The following MARCHF1 variants were observed in gnomAD, a reference collection of about 807,000 sequenced individuals.
MARCHF1 encodes membrane associated ring-CH-type finger 1.
A neutral mutation model predicts 54.2 loss-of-function variants in MARCHF1; 40 were observed. The ratio of observed to expected loss-of-function variants is 0.74; its 90% CI spans 0.57 to 0.96. MARCHF1 has a LOEUF of 0.96. Ranked by LOEUF, MARCHF1 falls within the 40% of genes least tolerant of loss-of-function variation. The pLI is 0.00. For synonymous variants in MARCHF1, 236 were observed against 236.3 expected (o/e 1.00, Z 0.01); for missense variants, 586 against 656.5 (o/e 0.89, Z 1.17).
At chr4:163,979,983 TA>T (rs1752728913) in intron 3 of MARCHF1, among the ~76,000 whole-genome samples, 1 of 152,090 alleles carries the variant, frequency 6.6e-6, no homozygotes, top group African/African-American at 2.4e-5. Flanking sequence ...GCCTGTTCAC[TA>T]ATGACTTTCT....
chr4:163,726,126 A>G (rs1015524751), intron 4 of MARCHF1, among the ~76,000 whole-genome samples: 6 of 152,156 alleles, frequency 3.9e-5, no homozygotes, highest in Admixed American at 6.5e-5. Flanking sequence ...ACACTGACAC[A>G]TCATTATCAC....
intron 5 of MARCHF1, among the ~76,000 whole-genome samples, chr4:163,681,487 A>G (rs1385139720): frequency 2.0e-5 from 3 of 152,140 alleles, no homozygotes; most frequent in African/African-American, 7.2e-5. Context: ...AGTTCCCATA[A>G]TCCCCATATG....
At chr4:163,964,752 C>T (rs1752409270) in intron 3 of MARCHF1, among the ~76,000 whole-genome samples, 1 of 151,914 alleles carries the variant, frequency 6.6e-6, no homozygotes, top group Admixed American at 6.6e-5. Flanking sequence ...CTTCCCAGAG[C>T]CACTCCATCT....
intron 4 of MARCHF1, among the ~76,000 whole-genome samples, chr4:163,793,913 CG>C (rs908063585): frequency 6.6e-6 from 1 of 152,114 alleles, no homozygotes; most frequent in African/African-American, 2.4e-5. Context: ...TTGTTGGAGA[CG>C]TGAGTCTTGC....
Position 163,626,912 on chromosome 4 carries a change from G to A in MARCHF1, c.163-13519C>T, listed in dbSNP as rs149358564. Among the ~76,000 whole-genome samples the A allele has an allele frequency of 1.9e-3, 291 of 152,254 alleles. 1 individual carries two copies. Among genetic ancestry groups the A allele is most frequent in the African/African-American group, 6.7e-3 (277 of 41,542 alleles). On this transcript the variant is annotated intron_variant, in intron 5 of 9. Coordinates refer to ENST00000514618, the MANE Select transcript of MARCHF1 (RefSeq NM_001394959.1). Reference sequence around the variant, plus strand: ...CCGCACTTCATCTTGGTGACAGAATGTGACTCCATCCCAAACAAACCCAAA... The same window carrying A: ...CCGCACTTCATCTTGGTGACAGAATATGACTCCATCCCAAACAAACCCAAA...
At chr4:163,926,781 T>G (rs550319686) in intron 3 of MARCHF1, among the ~76,000 whole-genome samples, 1 of 151,656 alleles carries the variant, frequency 6.6e-6, no homozygotes, top group Non-Finnish European at 1.5e-5. Context: ...AGGAATGGAT[T>G]ACTATTTCTA....
chr4:163,974,039 G>C (rs1482921971), intron 3 of MARCHF1, among the ~76,000 whole-genome samples: 7 of 152,198 alleles, frequency 4.6e-5, no homozygotes, highest in Non-Finnish European at 2.9e-5. Flanking sequence ...TGTTGTTGGA[G>C]AAAGCACCAC....
chr4:164,168,526 A>G (rs1250744440), intron 1 of MARCHF1, among the ~76,000 whole-genome samples: 2 of 152,104 alleles, frequency 1.3e-5, no homozygotes, highest in Non-Finnish European at 2.9e-5. Context: ...ACATATATAT[A>G]CAGTCTGTGT....
chr4:164,173,471 G>C (rs948216480), intron 1 of MARCHF1, among the ~76,000 whole-genome samples: 4 of 152,148 alleles, frequency 2.6e-5, no homozygotes, highest in Admixed American at 1.3e-4. Context: ...AATGGCAGAC[G>C]CAATTCAATA....
At chr4:164,228,202 T>C (rs1270422621) in intron 1 of MARCHF1, among the ~76,000 whole-genome samples, 1 of 152,182 alleles carries the variant, frequency 6.6e-6, no homozygotes, top group East Asian at 1.9e-4. Flanking sequence ...GTCAAGATAC[T>C]ACAAAGTTTC....
chr4:163,748,876 C>T (rs1746436341), intron 4 of MARCHF1, among the ~76,000 whole-genome samples: 1 of 152,174 alleles, frequency 6.6e-6, no homozygotes, highest in South Asian at 2.1e-4. Context: ...AATACATCAC[C>T]AAATAAAGAG....
intron 1 of MARCHF1, among the ~76,000 whole-genome samples, chr4:164,240,787 A>G (rs544987341): frequency 1.3e-5 from 2 of 152,124 alleles, no homozygotes; most frequent in Admixed American, 1.3e-4. Context: ...GATAGTAGCT[A>G]TCATGACATT....
At chr4:164,068,540 G>A (rs1754781815) in intron 2 of MARCHF1, among the ~76,000 whole-genome samples, 1 of 152,176 alleles carries the variant, frequency 6.6e-6, no homozygotes, top group Non-Finnish European at 1.5e-5. Flanking sequence ...TTAGCACCTG[G>A]GCCAGCAGCT....
chr4:163,556,554 T>A (rs994228676), intron 8 of MARCHF1, among the ~76,000 whole-genome samples: 14 of 149,376 alleles, frequency 9.4e-5, no homozygotes, highest in African/African-American at 3.5e-4. Flanking sequence ...TTGAGTTGAT[T>A]TTTTTTTTTA....
At chr4:163,843,690 C>A (rs1749404562) in intron 4 of MARCHF1, among the ~76,000 whole-genome samples, 1 of 152,084 alleles carries the variant, frequency 6.6e-6, no homozygotes, top group South Asian at 2.1e-4. Flanking sequence ...TTCTCTCCCC[C>A]TGCCACTTGC....
intron 4 of MARCHF1, among the ~76,000 whole-genome samples, chr4:163,827,834 G>T (rs1231678411): frequency 1.3e-5 from 2 of 152,068 alleles, no homozygotes; most frequent in Non-Finnish European, 2.9e-5. Flanking sequence ...ATGAAAACAA[G>T]ACCTTTCTTT....
chr4:164,323,607 A>AG (rs1482049888), intron 1 of MARCHF1, among the ~76,000 whole-genome samples: 1 of 147,500 alleles, frequency 6.8e-6, no homozygotes, highest in African/African-American at 2.5e-5. Flanking sequence ...CAAAAAAAAA[A>AG]AAAAAAAAAA....
intron 7 of MARCHF1, among the ~76,000 whole-genome samples, chr4:163,588,617 G>A (rs565321266): frequency 1.3e-5 from 2 of 152,032 alleles, no homozygotes; most frequent in South Asian, 2.1e-4. Flanking sequence ...TTCAACCGGG[G>A]GTCAGTAAAC....
Position 164,168,489 on chromosome 4 carries a change from A to G in MARCHF1, c.-322-56827T>C, listed in dbSNP as rs1400274149. ...TCACAATAGCCAAGATCTGGAAAAA[A>G]TTTTAATGTCATATATCTGTGTGTG... On this transcript the variant is annotated intron_variant, in intron 1 of 9. Coordinates refer to ENST00000514618, the MANE Select transcript of MARCHF1 (RefSeq NM_001394959.1). Among the ~76,000 whole-genome samples, 4 of 152,114 alleles carry G rather than the reference A, an allele frequency of 2.6e-5. No individual in the cohort carries two copies. The East Asian group carries it at 7.7e-4, about 29-fold the overall frequency.
Sources: gnomAD v4.1 joint callset for allele counts (sites outside exome capture counted in the v4.1 genomes callset) on GRCh38, gnomAD v4.1.1 for gene constraint, MANE v1.5 for transcripts, NCBI Gene and HGNC (gene_info 2026-07-23, HGNC 2026-07-21) for gene names.